Variants in BTBD9 observed in about 807,000 individuals in gnomAD.
The protein encoded by BTBD9 is BTB domain containing 9, also known as BTB/POZ domain-containing protein 9.
BTBD9 carries 49 observed loss-of-function variants against 64.3 expected under a neutral mutation model. The ratio of observed to expected loss-of-function variants is 0.76; its 90% CI spans 0.61 to 0.97. The LOEUF (loss-of-function observed/expected upper bound fraction) is 0.97. Among genes scored for constraint, BTBD9 ranks in the 50% least tolerant of loss-of-function variants. The probability of loss-of-function intolerance (pLI) is 0.00; values close to 1 mark genes in which losing one functional copy is unlikely to be tolerated. For synonymous variants in BTBD9, 260 were observed against 274.7 expected, an observed-to-expected ratio of 0.95 and a Z score of 0.53; for missense variants, 598 against 762.1, an observed-to-expected ratio of 0.78 and a Z score of 2.53.
intron 7 of BTBD9, among the ~76,000 whole-genome samples, chr6:38,296,785 T>C (rs1211413937): frequency 6.6e-6 from 1 of 152,208 alleles, no homozygotes; most frequent in African/African-American, 2.4e-5. Flanking sequence ...AAGTACGTTT[T>C]CAACTTTCTA....
intron 6 of BTBD9, among the ~76,000 whole-genome samples, chr6:38,375,463 T>C (rs781741156): frequency 2.6e-5 from 4 of 152,176 alleles, no homozygotes; most frequent in South Asian, 2.1e-4. Context: ...ATTCTAGTCA[T>C]TGCATCCATT....
At chr6:38,320,852 G>C (rs1431027894) in intron 7 of BTBD9, among the ~76,000 whole-genome samples, 1 of 152,142 alleles carries the variant, frequency 6.6e-6, no homozygotes, top group African/African-American at 2.4e-5. Flanking sequence ...CACAAGATGG[G>C]GGACAAGCCA....
intron 6 of BTBD9, among the ~76,000 whole-genome samples, chr6:38,384,215 T>C (rs1766059153): frequency 6.6e-6 from 1 of 152,204 alleles, no homozygotes; most frequent in South Asian, 2.1e-4. Context: ...CGAAGTATCT[T>C]GTGATACTGT....
intron 6 of BTBD9, among the ~76,000 whole-genome samples, chr6:38,348,340 T>C (rs1764368690): frequency 6.6e-6 from 1 of 152,188 alleles, no homozygotes; most frequent in South Asian, 2.1e-4. Flanking sequence ...GTTTAAGATT[T>C]ATTTCTTTGC....
At chr6:38,574,741 A>G (rs1325415379) in intron 6 of BTBD9, among the ~76,000 whole-genome samples, 1 of 152,190 alleles carries the variant, frequency 6.6e-6, no homozygotes, top group Non-Finnish European at 1.5e-5. Context: ...GAGAGGCACA[A>G]TCGTATTACA....
At chr6:38,356,861 T>C (rs748959292) in intron 6 of BTBD9, among the ~76,000 whole-genome samples, 8 of 152,144 alleles carry the variant, frequency 5.3e-5, no homozygotes, top group East Asian at 1.9e-4. Context: ...ATGGAAGACA[T>C]GGGCCTGACT....
chr6:38,327,394 G>C (rs1344728697), intron 7 of BTBD9, among the ~76,000 whole-genome samples: 1 of 152,112 alleles, frequency 6.6e-6, no homozygotes, highest in Non-Finnish European at 1.5e-5. Flanking sequence ...CAGGTTTAGA[G>C]GCCCCTTCCC....
At chr6:38,497,276 C>T (rs1771999330) in intron 6 of BTBD9, among the ~76,000 whole-genome samples, 1 of 151,812 alleles carries the variant, frequency 6.6e-6, no homozygotes, top group African/African-American at 2.4e-5. Context: ...GGGACTTTTC[C>T]CACCTCCCAC....
chr6:38,309,732 G>A (rs1464990629), intron 7 of BTBD9, among the ~76,000 whole-genome samples: 2 of 151,410 alleles, frequency 1.3e-5, no homozygotes, highest in Admixed American at 6.6e-5. Flanking sequence ...TTTTTTTAAC[G>A]ATCCTTTAAT....
chr6:38,188,394 C>G (rs1196029206), intron 10 of BTBD9, among the ~76,000 whole-genome samples: 2 of 152,230 alleles, frequency 1.3e-5, no homozygotes, highest in Non-Finnish European at 2.9e-5. Flanking sequence ...CCATGCTGCG[C>G]TTCCCCACCA....
At chr6:38,364,622 T>C (rs1190211292) in intron 6 of BTBD9, among the ~76,000 whole-genome samples, 4 of 152,256 alleles carry the variant, frequency 2.6e-5, no homozygotes, top group Non-Finnish European at 4.4e-5. Flanking sequence ...GCTAAGGTGA[T>C]ATAGCCCATG....
intron 7 of BTBD9, among the ~76,000 whole-genome samples, chr6:38,341,690 T>C (rs1355072356): frequency 6.6e-6 from 1 of 152,228 alleles, no homozygotes; most frequent in Non-Finnish European, 1.5e-5. Context: ...TCTCTTCTAA[T>C]TACTTCTTCC....
intron 1 of BTBD9, among the ~76,000 whole-genome samples, chr6:38,621,466 G>T (rs1262139273): frequency 6.6e-6 from 1 of 152,182 alleles, no homozygotes; most frequent in Non-Finnish European, 1.5e-5. Context: ...TGTGGAGAAT[G>T]GGATGCGAAG....
chr6:38,175,657 G>C (rs1252866754), intron 10 of BTBD9, among the ~76,000 whole-genome samples: 1 of 152,150 alleles, frequency 6.6e-6, no homozygotes, highest in Non-Finnish European at 1.5e-5. Flanking sequence ...GTTGTCTCTG[G>C]GTATTCTGGT....
intron 8 of BTBD9, among the ~76,000 whole-genome samples, chr6:38,278,067 T>TA (rs576372222): frequency 5.7e-4 from 87 of 152,300 alleles, no homozygotes; most frequent in African/African-American, 2.0e-3. Context: ...ATTTTCCTAA[T>TA]AAAAAAGGAA....
At chr6:38,188,880 C>T (rs1761933202) in intron 10 of BTBD9, among the ~76,000 whole-genome samples, 1 of 152,184 alleles carries the variant, frequency 6.6e-6, no homozygotes, top group Admixed American at 6.5e-5. Context: ...CAAAGAAGGC[C>T]GTCTGAGGAC....
intron 6 of BTBD9, among the ~76,000 whole-genome samples, chr6:38,363,030 G>C (rs1352319698): frequency 6.6e-6 from 1 of 152,180 alleles, no homozygotes; most frequent in Admixed American, 6.5e-5. Flanking sequence ...TTGTTGCTAA[G>C]AGAAGGTGTA....
chr6:38,274,233 T>C (rs942782177), intron 8 of BTBD9, among the ~76,000 whole-genome samples: 4 of 152,250 alleles, frequency 2.6e-5, no homozygotes, highest in African/African-American at 9.6e-5. Flanking sequence ...TGATTTTGTA[T>C]CCTAAGACTT....
intron 6 of BTBD9, among the ~76,000 whole-genome samples, chr6:38,361,016 G>A (rs964081353): frequency 6.6e-6 from 1 of 152,164 alleles, no homozygotes; most frequent in African/African-American, 2.4e-5. Flanking sequence ...CAGTTTTAAT[G>A]AGGGTCTCCT....
Sources: gnomAD v4.1 joint callset for allele counts (sites outside exome capture counted in the v4.1 genomes callset) on GRCh38, gnomAD v4.1.1 for gene constraint, MANE v1.5 for transcripts, NCBI Gene and HGNC (gene_info 2026-07-23, HGNC 2026-07-21) for gene names.